NMNAT2: variants seen among roughly 807,000 people sequenced by gnomAD.
NMNAT2 encodes nicotinamide/nicotinic acid mononucleotide adenylyltransferase 2.
In NMNAT2, 11 loss-of-function variants were observed where a neutral mutation model predicts 41.6. The observed-to-expected ratio is 0.26, with a 90% confidence interval of 0.17 to 0.44. The LOEUF (loss-of-function observed/expected upper bound fraction) is 0.44. Among genes scored for constraint, NMNAT2 ranks in the 20% least tolerant of loss-of-function variants. The pLI, the probability that NMNAT2 is intolerant of heterozygous loss-of-function variation, is 1.00. For missense variants in NMNAT2, 288 were observed against 407.7 expected (o/e 0.71, Z 2.53); for synonymous variants, 148 against 151.2 (o/e 0.98, Z 0.16).
At chr1:183,407,708 A>G (rs1649000101) in intron 1 of NMNAT2, among the ~76,000 whole-genome samples, 1 of 152,258 alleles carries the variant, frequency 6.6e-6, no homozygotes, top group Admixed American at 6.5e-5. Flanking sequence ...ACCAAGTGCT[A>G]TCAACGTTCA....
intron 1 of NMNAT2, among the ~76,000 whole-genome samples, chr1:183,406,704 A>G (rs1453089806): frequency 6.6e-6 from 1 of 152,222 alleles, no homozygotes; most frequent in Non-Finnish European, 1.5e-5. Flanking sequence ...TTGTTCGCTC[A>G]AAGTAGAGTA....
chr1:183,341,536 A>T lies in NMNAT2; in HGVS notation c.86-47743T>A, dbSNP rs867563745. ...CTACAAAAAATGCAAAAAAAAAAAA[A>T]AAAAAAAAATTAGCCAGGCATGGTG... On this transcript the variant is annotated intron_variant, in intron 1 of 10. Coordinates refer to ENST00000287713, the MANE Select transcript of NMNAT2 (RefSeq NM_015039.4). Among the ~76,000 whole-genome samples, 1,069 of 149,018 alleles carry T rather than the reference A, an allele frequency of 7.2e-3. 20 individuals carry two copies. The highest frequency in any genetic ancestry group is 0.025 in the African/African-American group (1,025 of 40,592).
chr1:183,253,165 C>T (rs990882441), intron 10 of NMNAT2, among the ~76,000 whole-genome samples: 2 of 150,664 alleles, frequency 1.3e-5, no homozygotes, highest in Non-Finnish European at 3.0e-5. Flanking sequence ...TTAAGTCATA[C>T]AATCTGATGT....
At chr1:183,405,581 A>T (rs997213794) in intron 1 of NMNAT2, among the ~76,000 whole-genome samples, 1 of 152,232 alleles carries the variant, frequency 6.6e-6, no homozygotes, top group African/African-American at 2.4e-5. Context: ...GGAATAGGGA[A>T]GCGTCCACCA....
At chr1:183,376,862 G>A (rs1171139918) in intron 1 of NMNAT2, among the ~76,000 whole-genome samples, 1 of 152,146 alleles carries the variant, frequency 6.6e-6, no homozygotes, top group Non-Finnish European at 1.5e-5. Flanking sequence ...CTGTTTGAGA[G>A]CTTTAGCTTT....
At chr1:183,364,157 A>G (rs888144429) in intron 1 of NMNAT2, among the ~76,000 whole-genome samples, 5 of 152,258 alleles carry the variant, frequency 3.3e-5, no homozygotes, top group Admixed American at 1.3e-4. Flanking sequence ...TTTATTGAGC[A>G]AGTACTATGT....
intron 1 of NMNAT2, among the ~76,000 whole-genome samples, chr1:183,301,290 T>G (rs887062776): frequency 5.3e-5 from 8 of 152,176 alleles, no homozygotes; most frequent in African/African-American, 1.9e-4. Context: ...TAAAGACAGG[T>G]GGAGCAGCCC....
chr1:183,366,263 G>A (rs957111383), intron 1 of NMNAT2, among the ~76,000 whole-genome samples: 3 of 152,158 alleles, frequency 2.0e-5, no homozygotes, highest in African/African-American at 7.2e-5. Flanking sequence ...TACACCTTGG[G>A]CAAATCACTT....
chr1:183,402,791 C>T lies in NMNAT2; in HGVS notation c.85+15392G>A, dbSNP rs570430116. On this transcript the variant is annotated intron_variant, in intron 1 of 10. Coordinates refer to ENST00000287713, the MANE Select transcript of NMNAT2 (RefSeq NM_015039.4). ...CCACGAAGGTCTTTGGACAGGTTCCCTCTGGGGATAATTCAAAAAGGGAGG... is the reference window on the plus strand; with the variant it reads ...CCACGAAGGTCTTTGGACAGGTTCCTTCTGGGGATAATTCAAAAAGGGAGG... 6.0e-4 allele frequency among the ~76,000 whole-genome samples: 91 copies of T among 152,244 alleles called. 1 individual carries two copies. The highest frequency in any genetic ancestry group is 3.4e-3 in the Middle Eastern group (1 of 294).
intron 1 of NMNAT2, among the ~76,000 whole-genome samples, chr1:183,378,513 C>G (rs1663726721): frequency 6.6e-6 from 1 of 151,134 alleles, no homozygotes; most frequent in Admixed American, 6.6e-5. Flanking sequence ...CAAGATCGTG[C>G]AACTGCACTC....
At chr1:183,345,367 T>G (rs1662904904) in intron 1 of NMNAT2, among the ~76,000 whole-genome samples, 1 of 152,156 alleles carries the variant, frequency 6.6e-6, no homozygotes, top group East Asian at 1.9e-4. Flanking sequence ...ACTTAATCCC[T>G]AATGTGGCAG....
intron 7 of NMNAT2, among the ~76,000 whole-genome samples, chr1:183,279,458 C>G (rs1345753799): frequency 6.6e-6 from 1 of 152,256 alleles, no homozygotes; most frequent in African/African-American, 2.4e-5. Flanking sequence ...ATCAAGAGGC[C>G]GAGGCTGTTG....
At chr1:183,266,558 T>C (rs1202368800) in intron 8 of NMNAT2, 1 of 153,262 alleles carries the variant, frequency 6.5e-6, no homozygotes, top group Admixed American at 6.5e-5. Flanking sequence ...AAGTGAGTGC[T>C]TGATTCGTTT....
chr1:183,270,265 T>C (rs1315006248), intron 8 of NMNAT2, among the ~76,000 whole-genome samples: 1 of 152,206 alleles, frequency 6.6e-6, no homozygotes, highest in East Asian at 1.9e-4. Flanking sequence ...CCATAGCTAC[T>C]TGGGAGGCTG....
chr1:183,344,670 T>C (rs144893357), intron 1 of NMNAT2, among the ~76,000 whole-genome samples: 2 of 152,266 alleles, frequency 1.3e-5, no homozygotes, highest in Admixed American at 6.5e-5. Flanking sequence ...GTCCTGGGCA[T>C]TGTAAGATGT....
intron 1 of NMNAT2, among the ~76,000 whole-genome samples, chr1:183,413,046 A>C (rs1328764709): frequency 2.0e-5 from 3 of 152,220 alleles, no homozygotes; most frequent in Non-Finnish European, 4.4e-5. Flanking sequence ...TGGCTGGCTC[A>C]CTTGTATAAT....
intron 1 of NMNAT2, among the ~76,000 whole-genome samples, chr1:183,375,856 T>C (rs758133331): frequency 6.6e-6 from 1 of 152,230 alleles, no homozygotes; most frequent in African/African-American, 2.4e-5. Flanking sequence ...TGTGTGTTCA[T>C]AATTAGGTTA....
chr1:183,378,977 T>C (rs1367163997), intron 1 of NMNAT2, among the ~76,000 whole-genome samples: 1 of 151,670 alleles, frequency 6.6e-6, no homozygotes, highest in Non-Finnish European at 1.5e-5. Flanking sequence ...TGGGAGGAGG[T>C]TGCAGTGAGT....
chr1:183,394,856 G>A (rs1434383774), intron 1 of NMNAT2, among the ~76,000 whole-genome samples: 4 of 152,176 alleles, frequency 2.6e-5, no homozygotes, highest in Admixed American at 1.3e-4. Context: ...AAAAAGAGAG[G>A]AGCAAACTGT....
Sources: gnomAD v4.1 joint callset for allele counts (sites outside exome capture counted in the v4.1 genomes callset) on GRCh38, gnomAD v4.1.1 for gene constraint, MANE v1.5 for transcripts, NCBI Gene and HGNC (gene_info 2026-07-23, HGNC 2026-07-21) for gene names.